The following MMP16 variants were observed in gnomAD, a reference collection of about 807,000 sequenced individuals.
MMP16 encodes the protein matrix metallopeptidase 16, also known as matrix metalloproteinase-16.
A neutral mutation model predicts 67.8 loss-of-function variants in MMP16; 12 were observed. The ratio of observed to expected loss-of-function variants is 0.18; its 90% CI spans 0.11 to 0.29. The LOEUF is 0.29. Ranked by LOEUF, MMP16 falls within the 10% of genes least tolerant of loss-of-function variation. The probability of loss-of-function intolerance (pLI) is 1.00; values close to 1 mark genes in which losing one functional copy is unlikely to be tolerated. For synonymous variants in MMP16, 249 were observed against 255.9 expected, an observed-to-expected ratio of 0.97 and a Z score of 0.26; for missense variants, 475 against 765.7, an observed-to-expected ratio of 0.62 and a Z score of 4.48.
chr8:88,162,135 A>T (rs904771171), intron 4 of MMP16, among the ~76,000 whole-genome samples: 9 of 152,008 alleles, frequency 5.9e-5, no homozygotes, highest in African/African-American at 2.2e-4. Context: ...TGTGAATGTG[A>T]CTATACCAAA....
chr8:88,248,409 A>G (rs1421821756), intron 1 of MMP16, among the ~76,000 whole-genome samples: 1 of 152,132 alleles, frequency 6.6e-6, no homozygotes, highest in Admixed American at 6.6e-5. Context: ...CCAACAATGT[A>G]GATTGTGAAA....
chr8:88,119,208 T>A (rs1807773516), intron 4 of MMP16, among the ~76,000 whole-genome samples: 1 of 152,060 alleles, frequency 6.6e-6, no homozygotes, highest in Non-Finnish European at 1.5e-5. Flanking sequence ...ATCTTACTTT[T>A]ATATGTCTCA....
chr8:88,123,141 G>A (rs1807868424), intron 4 of MMP16, among the ~76,000 whole-genome samples: 1 of 151,934 alleles, frequency 6.6e-6, no homozygotes, highest in Admixed American at 6.6e-5. Context: ...ATAGATAAAT[G>A]CTGTGGGGTA....
intron 1 of MMP16, among the ~76,000 whole-genome samples, chr8:88,299,160 A>G (rs1051304444): frequency 2.0e-5 from 3 of 152,200 alleles, no homozygotes. Context: ...CTCTGGAACG[A>G]CACATGCATC....
At chr8:88,296,170 A>G (rs1444866502) in intron 1 of MMP16, among the ~76,000 whole-genome samples, 1 of 152,192 alleles carries the variant, frequency 6.6e-6, no homozygotes, top group Non-Finnish European at 1.5e-5. Context: ...GCCAGCTTCT[A>G]CTAATTAACA....
chr8:88,118,116 G>C (rs749510592), intron 5 of MMP16, among the ~76,000 whole-genome samples: 1 of 151,982 alleles, frequency 6.6e-6, no homozygotes, highest in African/African-American at 2.4e-5. Flanking sequence ...TTTGTACTCT[G>C]TATTAATAAA....
intron 2 of MMP16, among the ~76,000 whole-genome samples, chr8:88,191,754 C>T (rs1055344651): frequency 6.6e-6 from 1 of 152,124 alleles, no homozygotes; most frequent in Non-Finnish European, 1.5e-5. Flanking sequence ...GGCATTCATG[C>T]CAAACACATA....
In MMP16 at chr8:88,119,394, G is replaced by C. The variant is rs28907632; in HGVS notation, c.710-533C>G. ...AGACTAAAGCTTTATTTTTTTGCTA[G>C]CATAGAATAAAGAAACACAATAATG... is the stretch of plus-strand genomic sequence containing the variant. On this transcript the variant is annotated intron_variant, in intron 4 of 9. Coordinates refer to ENST00000286614, the MANE Select transcript of MMP16 (RefSeq NM_005941.5). 7.8e-4 allele frequency among the ~76,000 whole-genome samples: 118 copies of C among 152,070 alleles called. 1 individual carries two copies. The East Asian group carries it at 0.021, about 27-fold the overall frequency.
In MMP16 at chr8:88,035,747, T is replaced by C. The variant is rs550276393; in HGVS notation, c.*5714A>G. The C allele has an allele frequency of 6.6e-6, 1 of 152,006 alleles. No homozygotes were observed. Among genetic ancestry groups the C allele is most frequent in the Non-Finnish European group, 1.5e-5 (1 of 67,912 alleles). 9.4% of individuals were successfully genotyped at this position (152,006 alleles called of 1,614,324 possible). ...TGTACTTCTGTATTCTACTCAAACATTGACAGGAATTTTACAATATGTGTT... is the reference window on the plus strand; with the variant it reads ...TGTACTTCTGTATTCTACTCAAACACTGACAGGAATTTTACAATATGTGTT... On this transcript the variant is annotated 3_prime_UTR_variant, in exon 10 of 10. Coordinates refer to ENST00000286614, the MANE Select transcript of MMP16 (RefSeq NM_005941.5). This position sits in a 1 kb window ranked among gnomAD's most constrained non-coding sequence, Gnocchi z 4.7.
At chr8:88,253,608 G>C (rs1810258589) in intron 1 of MMP16, among the ~76,000 whole-genome samples, 1 of 151,806 alleles carries the variant, frequency 6.6e-6, no homozygotes. Flanking sequence ...TCAAAACTTA[G>C]CTTGAGTTAA....
intron 3 of MMP16, among the ~76,000 whole-genome samples, chr8:88,172,508 A>C (rs541716360): frequency 6.6e-6 from 1 of 152,338 alleles, no homozygotes; most frequent in South Asian, 2.1e-4. Flanking sequence ...AACAAAGGTC[A>C]CAGAGTGATC....
chr8:88,284,612 G>C (rs1810793903), intron 1 of MMP16, among the ~76,000 whole-genome samples: 1 of 151,900 alleles, frequency 6.6e-6, no homozygotes. Flanking sequence ...GGAAGTGCTG[G>C]GAAGCACCTC....
intron 1 of MMP16, among the ~76,000 whole-genome samples, chr8:88,324,946 G>A (rs1811514937): frequency 1.3e-5 from 2 of 152,110 alleles, no homozygotes; most frequent in Admixed American, 1.3e-4. Context: ...AATACTATTT[G>A]AGGATAACAT....
chr8:88,133,430 A>G (rs1586167934), intron 4 of MMP16, among the ~76,000 whole-genome samples: 1 of 151,946 alleles, frequency 6.6e-6, no homozygotes, highest in Admixed American at 6.6e-5. Flanking sequence ...CTCCTCAGTT[A>G]CTGTTCTACA....
At chr8:88,120,336 C>T (rs1231131631) in intron 4 of MMP16, among the ~76,000 whole-genome samples, 1 of 151,844 alleles carries the variant, frequency 6.6e-6, no homozygotes, top group East Asian at 2.0e-4. Context: ...AGAAAAGAAG[C>T]TATATTCATT....
chr8:88,055,505 G>A lies in MMP16; in HGVS notation c.1373+623C>T, dbSNP rs571575491. Among the ~76,000 whole-genome samples the A allele has an allele frequency of 2.4e-4, 36 of 152,296 alleles. 1 individual carries two copies. In the South Asian group the frequency reaches 7.2e-3, roughly 31 times the overall value. On this transcript the variant is annotated intron_variant, in intron 8 of 9. Transcript: ENST00000286614. The stretch of plus-strand genomic sequence containing the variant: ...TTACAGGCATGAGCCAACACGCCCA[G>A]CCTTACTGTAAGTTTTAAAGTAACA...
chr8:88,189,138 C>T (rs1392968713), intron 2 of MMP16, among the ~76,000 whole-genome samples: 4 of 152,074 alleles, frequency 2.6e-5, no homozygotes, highest in African/African-American at 9.7e-5. Context: ...TGAGCTTTTA[C>T]AACATGCTAA....
At chr8:88,212,464 A>T (rs1367952039) in intron 1 of MMP16, among the ~76,000 whole-genome samples, 1 of 152,182 alleles carries the variant, frequency 6.6e-6, no homozygotes, top group Non-Finnish European at 1.5e-5. Context: ...TCCATGCTTC[A>T]GTTATATATC....
At chr8:88,288,545 G>A (rs1446969926) in intron 1 of MMP16, among the ~76,000 whole-genome samples, 1 of 152,034 alleles carries the variant, frequency 6.6e-6, no homozygotes, top group Non-Finnish European at 1.5e-5. Flanking sequence ...CAACTGACCA[G>A]TGTTCTGGTA....
Sources: allele counts gnomAD v4.1 joint callset (sites outside exome capture counted in the v4.1 genomes callset), GRCh38; gene constraint gnomAD v4.1.1; non-coding constraint Gnocchi (gnomAD v3.1); transcripts MANE v1.5; gene names NCBI Gene and HGNC (gene_info 2026-07-23, HGNC 2026-07-21).